The following SEMA6D variants were observed in gnomAD, a reference collection of about 807,000 sequenced individuals.
The protein encoded by SEMA6D is semaphorin-6D.
In SEMA6D, 35 loss-of-function variants were observed where a neutral mutation model predicts 106.6. That is an observed-to-expected ratio of 0.33 (90% confidence interval 0.25 to 0.44). The LOEUF (loss-of-function observed/expected upper bound fraction) is 0.44. Ranked by LOEUF, SEMA6D falls within the 20% of genes least tolerant of loss-of-function variation. The pLI is 1.00. For missense variants in SEMA6D, 1,185 were observed against 1,345.9 expected, an observed-to-expected ratio of 0.88 and a Z score of 1.87; for synonymous variants, 499 against 487.7, an observed-to-expected ratio of 1.02 and a Z score of -0.31.
At chr15:47,384,829 T>G (rs1445337803) in intron 1 of SEMA6D, among the ~76,000 whole-genome samples, 2 of 144,586 alleles carry the variant, frequency 1.4e-5, no homozygotes, top group South Asian at 2.3e-4. Context: ...TTTTTTTTTT[T>G]TTTTTTTTTT....
intron 1 of SEMA6D, among the ~76,000 whole-genome samples, chr15:47,377,961 G>A (rs2039506157): frequency 6.6e-6 from 1 of 152,076 alleles, no homozygotes; most frequent in Non-Finnish European, 1.5e-5. Flanking sequence ...TATACCACCT[G>A]GTCCCTTTCC....
At chr15:47,502,899 G>A (rs1027348497) in intron 3 of SEMA6D, among the ~76,000 whole-genome samples, 1 of 152,176 alleles carries the variant, frequency 6.6e-6, no homozygotes, top group Non-Finnish European at 1.5e-5. Flanking sequence ...ATGAAAAACA[G>A]GGTAAACTGT....
intron 4 of SEMA6D, among the ~76,000 whole-genome samples, chr15:47,623,699 T>A (rs2077151124): frequency 6.6e-6 from 1 of 152,166 alleles, no homozygotes; most frequent in South Asian, 2.1e-4. Context: ...TTCTTTCATG[T>A]ACTCAATAAA....
chr15:47,679,556 T>C (rs1017746418), intron 4 of SEMA6D, among the ~76,000 whole-genome samples: 1 of 152,084 alleles, frequency 6.6e-6, no homozygotes, highest in African/African-American at 2.4e-5. Flanking sequence ...GTCCTGCTGA[T>C]TTTTAGCCTT....
chr15:47,635,178 A>G (rs1319487290), intron 4 of SEMA6D, among the ~76,000 whole-genome samples: 2 of 152,110 alleles, frequency 1.3e-5, no homozygotes, highest in African/African-American at 4.8e-5. Context: ...GAAAGACACT[A>G]TGATGATCAG....
chr15:47,214,163 T>C (rs2030331913), intron 1 of SEMA6D, among the ~76,000 whole-genome samples: 1 of 152,222 alleles, frequency 6.6e-6, no homozygotes, highest in Non-Finnish European at 1.5e-5. Flanking sequence ...ACCATATCTC[T>C]CTCACTGCCT....
intron 2 of SEMA6D, among the ~76,000 whole-genome samples, chr15:47,422,163 TGCCCGCCC>T (rs200254927): frequency 2.4e-4 from 31 of 127,580 alleles, no homozygotes; most frequent in African/African-American, 1.1e-3. Flanking sequence ...TCTTATTTTT[TGCCCGCCC>T]GCCTGCCTGC....
chr15:47,416,181 G>A (rs916230657), intron 2 of SEMA6D, among the ~76,000 whole-genome samples: 1 of 152,046 alleles, frequency 6.6e-6, no homozygotes, highest in Non-Finnish European at 1.5e-5. Context: ...TAATGATAAC[G>A]ATATTCTTCC....
intron 3 of SEMA6D, among the ~76,000 whole-genome samples, chr15:47,573,288 G>T (rs1196271004): frequency 6.7e-6 from 1 of 150,298 alleles, no homozygotes; most frequent in Non-Finnish European, 1.5e-5. Context: ...AACTCACAAA[G>T]TGTTTATTCT....
chr15:47,238,669 A>T (rs1475931047), intron 1 of SEMA6D, among the ~76,000 whole-genome samples: 2 of 152,130 alleles, frequency 1.3e-5, no homozygotes, highest in African/African-American at 4.8e-5. Context: ...GACAAAAAAA[A>T]AATCTAGGTC....
rs1649576955 is a variant in SEMA6D at position 47,292,006 on chromosome 15, T to C, written c.-239+107588T>C. The stretch of plus-strand genomic sequence containing the variant: ...CATGTATATGCACATATGCAGAATT[T>C]CTGCTCTTTGCTTCTCAGGAAATCT... On this transcript the variant is annotated intron_variant, in intron 1 of 19. Coordinates refer to the SEMA6D transcript ENST00000558014. Among the ~76,000 whole-genome samples, 4 of 152,256 alleles carry C rather than the reference T, an allele frequency of 2.6e-5. 1 individual carries two copies. The South Asian group carries it at 8.3e-4, about 32-fold the overall frequency.
chr15:47,716,779 A>G (rs1269316439), upstream of SEMA6D, among the ~76,000 whole-genome samples: 2 of 152,116 alleles, frequency 1.3e-5, no homozygotes, highest in South Asian at 2.1e-4. Context: ...CCGGGTCATT[A>G]GCCTGCAAAA....
intron 1 of SEMA6D, among the ~76,000 whole-genome samples, chr15:47,332,082 G>T (rs1361827465): frequency 6.6e-6 from 1 of 152,166 alleles, no homozygotes; most frequent in Non-Finnish European, 1.5e-5. Flanking sequence ...GAAGTGCTGA[G>T]TCTGTTTCTA....
chr15:47,467,351 T>G (rs2141118503), intron 2 of SEMA6D, among the ~76,000 whole-genome samples: 1 of 152,304 alleles, frequency 6.6e-6, no homozygotes, highest in African/African-American at 2.4e-5. Context: ...ACTCCGGGTC[T>G]GGTTGGGGCC....
At chr15:47,484,480 C>T (rs2043239196) in intron 3 of SEMA6D, among the ~76,000 whole-genome samples, 1 of 152,118 alleles carries the variant, frequency 6.6e-6, no homozygotes, top group African/African-American at 2.4e-5. Context: ...AGGATTAGCG[C>T]AGGTTATGGT....
At chr15:47,484,222 G>A (rs1323413536) in intron 3 of SEMA6D, among the ~76,000 whole-genome samples, 1 of 151,948 alleles carries the variant, frequency 6.6e-6, no homozygotes, top group Non-Finnish European at 1.5e-5. Flanking sequence ...GTCTCTTTTT[G>A]GCAGTAGGAG....
chr15:47,723,088 AATAC>A, intron 1 of SEMA6D, among the ~76,000 whole-genome samples: 1 of 152,230 alleles, frequency 6.6e-6, no homozygotes, highest in South Asian at 2.1e-4. Flanking sequence ...CTGACTTCCT[AATAC>A]TTCTGACATT....
At chr15:47,719,964 T>C (rs910814486) in intron 1 of SEMA6D, among the ~76,000 whole-genome samples, 4 of 152,252 alleles carry the variant, frequency 2.6e-5, no homozygotes, top group Non-Finnish European at 5.9e-5. Context: ...GATTTGGGTC[T>C]ATATTACCAT....
chr15:47,348,727 C>G (rs5010623), intron 1 of SEMA6D, among the ~76,000 whole-genome samples: 12,221 of 56,574 alleles, frequency 0.22, 2,509 homozygotes, highest in African/African-American at 0.46. Flanking sequence ...ACCACACACA[C>G]AGAGAGAGAG....
Sources: allele counts gnomAD v4.1 joint callset (sites outside exome capture counted in the v4.1 genomes callset), GRCh38; gene constraint gnomAD v4.1.1; transcripts MANE v1.5; gene names NCBI Gene and HGNC (gene_info 2026-07-23, HGNC 2026-07-21).